The following ENOX2 variants were observed in gnomAD, a reference collection of about 807,000 sequenced individuals.
ENOX2 encodes the protein APK1 antigen.
Under a neutral mutation model 45.0 loss-of-function variants are expected in ENOX2, and 36 were observed. The observed-to-expected ratio is 0.80, with a 90% CI of 0.61 to 1.06. ENOX2 has a LOEUF of 1.06. Ranked by LOEUF, ENOX2 falls within the 50% of genes least tolerant of loss-of-function variation. The probability of loss-of-function intolerance (pLI) is 0.00; values close to 1 mark genes in which losing one functional copy is unlikely to be tolerated. For missense variants in ENOX2, 423 were observed against 462.5 expected, an observed-to-expected ratio of 0.91 and a Z score of 0.78; for synonymous variants, 174 against 152.3, an observed-to-expected ratio of 1.14 and a Z score of -1.05.
intron 2 of ENOX2, among the ~76,000 whole-genome samples, chrX:130,829,968 T>C (rs2077790125): frequency 1.8e-5 from 2 of 111,942 alleles, no homozygotes; most frequent in Admixed American, 1.9e-4. Context: ...GATTATTTAG[T>C]CCAATCTTCT....
chrX:130,689,113 A>G (rs1373035502), intron 4 of ENOX2, 95 bp from the exon 5 acceptor site: 5 of 660,153 alleles, frequency 7.6e-6, no homozygotes, highest in Non-Finnish European at 1.1e-5. Context: ...AGGCCTTTCT[A>G]AGACAGAGGC....
At chrX:130,834,845 T>C (rs1250483526) in intron 2 of ENOX2, among the ~76,000 whole-genome samples, 2 of 111,503 alleles carry the variant, frequency 1.8e-5, no homozygotes, top group African/African-American at 6.5e-5. Flanking sequence ...TTCCACCCCA[T>C]CTGAAATAGA....
chrX:130,849,065 CAACT>C (rs760553177), intron 2 of ENOX2, among the ~76,000 whole-genome samples: 2 of 112,247 alleles, frequency 1.8e-5, no homozygotes, highest in African/African-American at 6.5e-5. Context: ...AAGGATAAAT[CAACT>C]AATGGCTCAA....
At chrX:130,822,810 T>C (rs1376996997) in intron 2 of ENOX2, among the ~76,000 whole-genome samples, 1 of 112,102 alleles carries the variant, frequency 8.9e-6, no homozygotes, top group Non-Finnish European at 1.9e-5. Context: ...AGATATTCAA[T>C]ACTTTATTAT....
chrX:130,856,966 A>G (rs1001835420), intron 2 of ENOX2, among the ~76,000 whole-genome samples: 4 of 111,999 alleles, frequency 3.6e-5, no homozygotes, highest in Admixed American at 1.9e-4. Flanking sequence ...GATGGGGCAA[A>G]GCAGTGCGTA....
At chrX:130,741,454 A>C (rs2038980622) in intron 3 of ENOX2, among the ~76,000 whole-genome samples, 1 of 111,656 alleles carries the variant, frequency 9.0e-6, no homozygotes, top group Non-Finnish European at 1.9e-5. Flanking sequence ...AAGGTATGGT[A>C]TGCTGGACAC....
intron 12 of ENOX2, among the ~76,000 whole-genome samples, chrX:130,631,934 T>A (rs1429003754): frequency 3.6e-5 from 4 of 109,870 alleles, no homozygotes; most frequent in African/African-American, 1.3e-4. Context: ...ATTCTACAGA[T>A]GAGGAAAGTG....
At chrX:130,753,712 G>C (rs2039282749) in intron 3 of ENOX2, among the ~76,000 whole-genome samples, 2 of 111,900 alleles carry the variant, frequency 1.8e-5, no homozygotes, top group Non-Finnish European at 1.9e-5. Flanking sequence ...TGGCTGAATA[G>C]TATTCCATTG....
intron 3 of ENOX2, among the ~76,000 whole-genome samples, chrX:130,744,709 T>C (rs2039060026): frequency 1.8e-5 from 2 of 111,804 alleles, no homozygotes; most frequent in African/African-American, 6.5e-5. Context: ...CTGTGGAGTA[T>C]AAACATAAGA....
intron 3 of ENOX2, among the ~76,000 whole-genome samples, chrX:130,716,715 T>A (rs1195816479): frequency 1.8e-5 from 2 of 112,403 alleles, no homozygotes; most frequent in African/African-American, 6.5e-5. Flanking sequence ...TCTGGGACAG[T>A]ATTAATAATA....
chrX:130,798,857 C>T (rs1283304946), intron 2 of ENOX2, among the ~76,000 whole-genome samples: 1 of 112,047 alleles, frequency 8.9e-6, no homozygotes, highest in Non-Finnish European at 1.9e-5. Context: ...GAAAGCACTG[C>T]AACTATAACA....
At chrX:130,892,371 A>C (rs2078998916) in intron 2 of ENOX2, among the ~76,000 whole-genome samples, 1 of 112,389 alleles carries the variant, frequency 8.9e-6, no homozygotes, top group Non-Finnish European at 1.9e-5. Flanking sequence ...GCTTAGCAGC[A>C]GTTGTCCCTA....
chrX:130,730,188 T>A (rs2038703859), intron 3 of ENOX2, among the ~76,000 whole-genome samples: 1 of 112,279 alleles, frequency 8.9e-6, no homozygotes, highest in Admixed American at 9.4e-5. Context: ...AGGGATCATA[T>A]AACCAAGAAT....
chrX:130,832,440 T>TACACACACAC (rs61623401), intron 2 of ENOX2, among the ~76,000 whole-genome samples: 3 of 91,066 alleles, frequency 3.3e-5, no homozygotes, highest in Admixed American at 1.2e-4. Context: ...CACACACACA[T>TACACACACAC]ACACACACAC....
At chrX:130,881,619 C>T in intron 2 of ENOX2, among the ~76,000 whole-genome samples, 1 of 111,991 alleles carries the variant, frequency 8.9e-6, no homozygotes, top group East Asian at 2.8e-4. Context: ...TTTACATATA[C>T]CGATTTCTTT....
At chrX:130,723,961 G>A (rs942070776) in intron 3 of ENOX2, among the ~76,000 whole-genome samples, 10 of 111,353 alleles carry the variant, frequency 9.0e-5, no homozygotes, top group East Asian at 5.6e-4. Context: ...CAAATTACCC[G>A]TCCCCCCGCA....
intron 3 of ENOX2, among the ~76,000 whole-genome samples, chrX:130,722,105 C>T (rs777173135): frequency 1.8e-5 from 2 of 111,346 alleles, no homozygotes; most frequent in African/African-American, 3.3e-5. Context: ...ACATCAGGAG[C>T]GCATGAACTC....
At chrX:130,791,690 T>C (rs1189939471) in intron 2 of ENOX2, among the ~76,000 whole-genome samples, 1 of 111,878 alleles carries the variant, frequency 8.9e-6, no homozygotes, top group Non-Finnish European at 1.9e-5. Context: ...GGAGTTGTCA[T>C]GAAAGGAAGA....
At chrX:130,820,565 T>C (rs987344382) in intron 2 of ENOX2, among the ~76,000 whole-genome samples, 19 of 112,476 alleles carry the variant, frequency 1.7e-4, no homozygotes, top group African/African-American at 3.2e-4. Context: ...TCAACCTAAG[T>C]TTCCATCAAC....
Sources: gnomAD v4.1 joint callset for allele counts (sites outside exome capture counted in the v4.1 genomes callset) on GRCh38, gnomAD v4.1.1 for gene constraint, MANE v1.5 for transcripts, NCBI Gene and HGNC (gene_info 2026-07-23, HGNC 2026-07-21) for gene names.